Variants in SEPTIN11 observed in about 807,000 individuals in gnomAD.
The protein encoded by SEPTIN11 is septin-11.
SEPTIN11 carries 25 observed loss-of-function variants against 51.4 expected under a neutral mutation model. The observed-to-expected ratio is 0.49, with a 90% CI of 0.35 to 0.68. SEPTIN11 has a LOEUF of 0.68. Among genes scored for constraint, SEPTIN11 ranks in the 30% least tolerant of loss-of-function variants. The pLI is 0.00. For missense variants in SEPTIN11, 381 were observed against 520.8 expected, an observed-to-expected ratio of 0.73 and a Z score of 2.61; for synonymous variants, 174 against 184.1, an observed-to-expected ratio of 0.95 and a Z score of 0.44.
At position 77,035,573 on chromosome 4, in the gene SEPTIN11, G is replaced by C. The variant is rs886970380; in HGVS notation, c.*1061G>C. 2 of 985,378 alleles carry C rather than the reference G, an allele frequency of 2.0e-6. No homozygotes were observed. The highest frequency in any genetic ancestry group is 2.3e-4 in the East Asian group (2 of 8,804). The allele number at this position is 985,378 out of a possible 1,614,324, so 61.0% of individuals were successfully genotyped here. ...AATAGGAAGGACCACAACATGACCC[G>C]TAAGTCAAGAAGGTAGACATTTCAT... is the stretch of plus-strand genomic sequence containing the variant. On this transcript the variant is annotated 3_prime_UTR_variant, in exon 10 of 10. Transcript: ENST00000264893.
intron 1 of SEPTIN11, among the ~76,000 whole-genome samples, chr4:76,951,423 T>C (rs1721337759): frequency 6.6e-6 from 1 of 152,198 alleles, no homozygotes; most frequent in Non-Finnish European, 1.5e-5. Flanking sequence ...TAATTAGTGG[T>C]CACATGTAGG....
At chr4:77,016,633 C>CATATATATATATATGTATATAT (rs1725290748) in intron 5 of SEPTIN11, among the ~76,000 whole-genome samples, 3 of 72,746 alleles carry the variant, frequency 4.1e-5, no homozygotes, top group Non-Finnish European at 8.1e-5. Flanking sequence ...TATATATACA[C>CATATATATATATATGTATATAT]ATATATATAT....
chr4:77,033,668 C>G (rs1726836577), intron 9 of SEPTIN11, among the ~76,000 whole-genome samples: 2 of 152,200 alleles, frequency 1.3e-5, no homozygotes, highest in South Asian at 4.1e-4. Flanking sequence ...GGTCAGTGGA[C>G]AGTGTTCCTC....
Position 77,037,339 on chromosome 4 carries a change from G to A in SEPTIN11, c.*2827G>A. 7 of 970,954 alleles carry A rather than the reference G, an allele frequency of 7.2e-6. No homozygotes were observed. Among genetic ancestry groups the A allele is most frequent in the Non-Finnish European group, 8.6e-6 (7 of 817,216 alleles). 60.1% of individuals were successfully genotyped at this position (970,954 alleles called of 1,614,324 possible). ...ATTGCACCACTGCATTCCAACCTGGGTGATGAAGTGAGACTCTCCAAAAAA... is the reference window on the plus strand; with the variant it reads ...ATTGCACCACTGCATTCCAACCTGGATGATGAAGTGAGACTCTCCAAAAAA... On this transcript the variant is annotated 3_prime_UTR_variant, in exon 10 of 10. Transcript: ENST00000264893.
intron 1 of SEPTIN11, among the ~76,000 whole-genome samples, chr4:76,989,976 G>T (rs777455312): frequency 6.6e-6 from 1 of 152,124 alleles, no homozygotes. Context: ...AAGGTGGCAC[G>T]GACCCAAAGA....
intron 8 of SEPTIN11, 86 bp from the exon 9 acceptor site, chr4:77,030,697 G>A: frequency 7.6e-7 from 1 of 1,312,874 alleles, no homozygotes; most frequent in Non-Finnish European, 1.0e-6. Flanking sequence ...GCCTGGCCAT[G>A]TTTTGTTTTT....
intron 4 of SEPTIN11, 100 bp from the exon 5 acceptor site, chr4:77,014,756 C>A: frequency 8.8e-7 from 1 of 1,135,850 alleles, no homozygotes; most frequent in Non-Finnish European, 1.3e-6. Flanking sequence ...TTATTTTTTA[C>A]AGTAAGGTTT....
chr4:77,028,664 T>C lies in SEPTIN11; in HGVS notation c.989T>C (p.Phe330Ser). Residue 330 changes from phenylalanine (F) to serine (S), a missense_variant, in exon 8 of 10, where the codon TTC (phenylalanine) becomes TCC (serine). Phe to Ser is a radical substitution (Grantham distance 155). Coordinates refer to ENST00000264893, the MANE Select transcript of SEPTIN11 (RefSeq NM_018243.4). ...QETYEAKRNE[F>S]LGELQKKEEE... is the part of the protein sequence containing the mutation. ...ACATATGAAGCAAAAAGGAATGAAT[T>C]CCTGGGAGAACTGCAGAAGAAAGAA... is the stretch of plus-strand genomic sequence containing the variant. 1.9e-6 allele frequency: 3 copies of C among 1,613,098 alleles called. No homozygotes were observed. Among genetic ancestry groups the C allele is most frequent in the Non-Finnish European group, 2.5e-6 (3 of 1,179,582 alleles).
At chr4:76,956,962 A>ATATGTGTGTGTGTGTG (rs1553966569) in intron 1 of SEPTIN11, among the ~76,000 whole-genome samples, 1 of 119,118 alleles carries the variant, frequency 8.4e-6, no homozygotes, top group Non-Finnish European at 1.7e-5. Flanking sequence ...TAGTAGAATG[A>ATATGTGTGTGTGTGTG]TGTGTGTGTG....
At chr4:76,971,108 G>C (rs548751800) in intron 1 of SEPTIN11, among the ~76,000 whole-genome samples, 4 of 152,230 alleles carry the variant, frequency 2.6e-5, no homozygotes, top group African/African-American at 9.6e-5. Flanking sequence ...TAAATGTCTA[G>C]CAGAATTGAT....
chr4:76,988,493 T>G (rs750768096), intron 1 of SEPTIN11, among the ~76,000 whole-genome samples: 1 of 152,194 alleles, frequency 6.6e-6, no homozygotes, highest in African/African-American at 2.4e-5. Flanking sequence ...GAGAAGTCAT[T>G]TCCTAGGTTT....
At chr4:76,970,065 G>C (rs560989169) in intron 1 of SEPTIN11, among the ~76,000 whole-genome samples, 1 of 152,204 alleles carries the variant, frequency 6.6e-6, no homozygotes, top group Non-Finnish European at 1.5e-5. Context: ...GAGACTTCAT[G>C]CCTGTCTTCC....
chr4:76,994,900 C>CTTTTT (rs55728971), intron 1 of SEPTIN11, among the ~76,000 whole-genome samples: 22 of 54,880 alleles, frequency 4.0e-4, no homozygotes, highest in East Asian at 2.3e-3. Context: ...CTGTACAAAG[C>CTTTTT]TTTTTTTTTT....
chr4:77,008,518 A>G (rs1724641631), intron 3 of SEPTIN11, among the ~76,000 whole-genome samples: 1 of 152,170 alleles, frequency 6.6e-6, no homozygotes, highest in Non-Finnish European at 1.5e-5. Flanking sequence ...AAGATAAGGG[A>G]AAAACATGGT....
intron 1 of SEPTIN11, among the ~76,000 whole-genome samples, chr4:76,992,632 T>C (rs1359804570): frequency 6.6e-6 from 1 of 152,222 alleles, no homozygotes; most frequent in Non-Finnish European, 1.5e-5. Context: ...AAGGGATAAA[T>C]GTTAGCTGTT....
At chr4:76,958,168 T>C (rs1204695485) in intron 1 of SEPTIN11, among the ~76,000 whole-genome samples, 3 of 152,228 alleles carry the variant, frequency 2.0e-5, no homozygotes, top group African/African-American at 7.2e-5. Context: ...TGTTGCTGTG[T>C]CAACCCCCGG....
intron 1 of SEPTIN11, chr4:76,995,996 A>G: frequency 6.8e-7 from 1 of 1,476,420 alleles, no homozygotes; most frequent in Non-Finnish European, 9.1e-7. Context: ...TGAGCTTTTC[A>G]AAGTTCTTTT....
intron 1 of SEPTIN11, among the ~76,000 whole-genome samples, chr4:76,951,665 A>G (rs148055615): frequency 6.6e-6 from 1 of 152,360 alleles, no homozygotes; most frequent in Non-Finnish European, 1.5e-5. Flanking sequence ...TGGCTTTTTC[A>G]GTAACACGTA....
intron 1 of SEPTIN11, chr4:76,995,639 CCAA>C (rs1272741650): frequency 8.5e-6 from 5 of 590,608 alleles, no homozygotes; most frequent in Middle Eastern, 9.3e-4. Flanking sequence ...CAGATTATCT[CCAA>C]CACCCACGGG....
Sources: gnomAD v4.1 joint callset for allele counts (sites outside exome capture counted in the v4.1 genomes callset) on GRCh38, gnomAD v4.1.1 for gene constraint, MANE v1.5 for transcripts, NCBI Gene and HGNC (gene_info 2026-07-23, HGNC 2026-07-21) for gene names.